Variants in NTM observed in about 807,000 individuals in gnomAD.
The protein encoded by NTM is IgLON family member 2.
A neutral mutation model predicts 42.1 loss-of-function variants in NTM; 13 were observed. That is an observed-to-expected ratio of 0.31 (90% CI 0.20 to 0.49). The LOEUF is 0.49. Ranked by LOEUF, NTM falls within the 20% of genes least tolerant of loss-of-function variation. NTM has a pLI of 0.99. For missense variants in NTM, 373 were observed against 452.8 expected (o/e 0.82, Z 1.60); for synonymous variants, 187 against 179.2 (o/e 1.04, Z -0.35).
intron 3 of NTM, among the ~76,000 whole-genome samples, chr11:132,201,625 A>G (rs954513253): frequency 1.3e-5 from 2 of 152,194 alleles, no homozygotes; most frequent in African/African-American, 4.8e-5. Context: ...GAAACCTTGC[A>G]TGTCAGGAGA....
At chr11:131,971,297 T>G (rs1174388270) in intron 2 of NTM, among the ~76,000 whole-genome samples, 1 of 152,236 alleles carries the variant, frequency 6.6e-6, no homozygotes, top group Non-Finnish European at 1.5e-5. Context: ...ACTGTTATTT[T>G]CATTTGCATT....
chr11:132,080,515 T>C (rs2058900289), intron 2 of NTM, among the ~76,000 whole-genome samples: 1 of 152,240 alleles, frequency 6.6e-6, no homozygotes, highest in East Asian at 1.9e-4. Flanking sequence ...CTTTGGCTAC[T>C]ACTGGGCACC....
intron 1 of NTM, among the ~76,000 whole-genome samples, chr11:131,832,249 T>A (rs1592156325): frequency 6.6e-6 from 1 of 150,670 alleles, no homozygotes; most frequent in East Asian, 1.9e-4. Flanking sequence ...CACTCATGGG[T>A]TCAGAGTAAT....
chr11:131,619,930 G>A (rs2062353833), intron 1 of NTM, among the ~76,000 whole-genome samples: 1 of 151,600 alleles, frequency 6.6e-6, no homozygotes, highest in Non-Finnish European at 1.5e-5. Flanking sequence ...TCAGCCTCCT[G>A]AGTAGCTGGG....
intron 2 of NTM, among the ~76,000 whole-genome samples, chr11:132,124,070 G>A (rs2136965062): frequency 6.6e-6 from 1 of 152,280 alleles, no homozygotes; most frequent in East Asian, 1.9e-4. Flanking sequence ...ACACAGAGTG[G>A]CCGTGTGGCT....
intron 1 of NTM, among the ~76,000 whole-genome samples, chr11:131,576,970 C>T (rs1358893341): frequency 2.6e-5 from 4 of 152,178 alleles, no homozygotes; most frequent in Non-Finnish European, 5.9e-5. Context: ...ATTGTAAATA[C>T]TCAAAAATAT....
At chr11:131,436,737 C>T (rs986107305) in intron 1 of NTM, among the ~76,000 whole-genome samples, 12 of 152,200 alleles carry the variant, frequency 7.9e-5, no homozygotes, top group Admixed American at 7.2e-4. Flanking sequence ...AAAACCAGCT[C>T]CTAGATTCAT....
chr11:132,115,210 C>G (rs1192256646), intron 2 of NTM, among the ~76,000 whole-genome samples: 1 of 152,076 alleles, frequency 6.6e-6, no homozygotes, highest in African/African-American at 2.4e-5. Context: ...TAGGGTAATT[C>G]TGGAGATCTA....
intron 2 of NTM, among the ~76,000 whole-genome samples, chr11:131,951,226 A>C (rs2060947683): frequency 6.6e-6 from 1 of 152,178 alleles, no homozygotes; most frequent in South Asian, 2.1e-4. Context: ...TTAGTGTAAC[A>C]GTATGTCTCA....
chr11:132,248,655 C>T (rs1056089327), intron 4 of NTM, among the ~76,000 whole-genome samples: 3 of 152,172 alleles, frequency 2.0e-5, no homozygotes, highest in South Asian at 2.1e-4. Context: ...CAGAAATGGA[C>T]GTCATATCAA....
chr11:132,294,255 G>C (rs2094542326), intron 4 of NTM, among the ~76,000 whole-genome samples: 2 of 152,006 alleles, frequency 1.3e-5, no homozygotes, highest in African/African-American at 4.8e-5. Flanking sequence ...TTTATCATCT[G>C]CTTGTGCTCT....
chr11:131,581,041 A>C (rs1008227554), intron 1 of NTM, among the ~76,000 whole-genome samples: 10 of 152,208 alleles, frequency 6.6e-5, no homozygotes, highest in Non-Finnish European at 1.0e-4. Flanking sequence ...GTTATTGCTA[A>C]AAGGGTGTGG....
At chr11:132,119,091 C>G (rs2136896768) in intron 2 of NTM, among the ~76,000 whole-genome samples, 1 of 152,292 alleles carries the variant, frequency 6.6e-6, no homozygotes, top group East Asian at 1.9e-4. Context: ...GGCCCTGGGA[C>G]CTGGGCAGAC....
intron 4 of NTM, among the ~76,000 whole-genome samples, chr11:132,290,810 G>A (rs1261288020): frequency 6.6e-6 from 1 of 152,208 alleles, no homozygotes. Context: ...CAGGGGATGT[G>A]CAGAGGTTAC....
intron 1 of NTM, among the ~76,000 whole-genome samples, chr11:131,446,255 G>T (rs577197319): frequency 6.1e-5 from 9 of 148,232 alleles, no homozygotes; most frequent in Admixed American, 3.4e-4. Context: ...CTGGACAACT[G>T]TTCCTATTAC....
rs544749852 is a variant in NTM at position 131,995,830 on chromosome 11, G to A, written c.167+84182G>A. On this transcript the variant is annotated intron_variant, in intron 2 of 8. Transcript: ENST00000683400. ...TCAACTAAAATTGGGGGTTTCTACA[G>A]TGGAAAATGAATGTAGCTACATGCA... is the stretch of plus-strand genomic sequence containing the variant. Among the ~76,000 whole-genome samples, 84 of 152,152 alleles carry A rather than the reference G, an allele frequency of 5.5e-4. 1 individual carries two copies. The highest frequency in any genetic ancestry group is 3.4e-3 in the Middle Eastern group (1 of 294).
At position 132,134,731 on chromosome 11, in the gene NTM, A is replaced by ATC. The variant is rs2067490846; in HGVS notation, c.168-11550_168-11549insCT. Among the ~76,000 whole-genome samples, 4 of 72,416 alleles carry ATC rather than the reference A, an allele frequency of 5.5e-5. 1 individual carries two copies. The highest frequency in any genetic ancestry group is 6.2e-4 in the East Asian group (2 of 3,228). The allele number at this position is 72,416 out of a possible 152,430, so 47.5% of individuals were successfully genotyped here. A position where few individuals can be genotyped will look rare whatever the true frequency, so the allele number is the denominator to read the frequency against. On this transcript the variant is annotated intron_variant, in intron 2 of 8. Transcript: ENST00000683400. ...TATATATATATATATATATATATAT[A>ATC]TATATATATATATATATATATATAT...
At chr11:131,388,332 T>C (rs1943572968) in intron 1 of NTM, among the ~76,000 whole-genome samples, 1 of 151,826 alleles carries the variant, frequency 6.6e-6, no homozygotes, top group Non-Finnish European at 1.5e-5. Flanking sequence ...CAAATAAAAA[T>C]CCAGGACACC....
At position 132,003,054 on chromosome 11, in the gene NTM, G is replaced by A. The variant is rs930678942; in HGVS notation, c.167+91406G>A. On this transcript the variant is annotated intron_variant, in intron 2 of 8. Transcript: ENST00000683400. This position sits in a 1 kb window ranked among gnomAD's most constrained non-coding sequence, Gnocchi z 6.0. ...TTAGGGTTAGGAAAGTAACTAGTGAGCGCACTAAACAGTAAGATGCGCTGC... is the reference window on the plus strand; with the variant it reads ...TTAGGGTTAGGAAAGTAACTAGTGAACGCACTAAACAGTAAGATGCGCTGC... 8.5e-5 allele frequency among the ~76,000 whole-genome samples: 13 copies of A among 152,132 alleles called. No homozygotes were observed. The highest frequency in any genetic ancestry group is 1.3e-4 in the Non-Finnish European group (9 of 68,036).
Sources: allele counts gnomAD v4.1 joint callset (sites outside exome capture counted in the v4.1 genomes callset), GRCh38; gene constraint gnomAD v4.1.1; non-coding constraint Gnocchi (gnomAD v3.1); transcripts MANE v1.5; gene names NCBI Gene and HGNC (gene_info 2026-07-23, HGNC 2026-07-21).